SMYD3: variants seen among roughly 807,000 people sequenced by gnomAD.
SMYD3 encodes SET and MYND domain containing 3.
SMYD3 carries 36 observed loss-of-function variants against 57.7 expected under a neutral mutation model. That is an observed-to-expected ratio of 0.62 (90% CI 0.48 to 0.82). The LOEUF is 0.82. Among genes scored for constraint, SMYD3 ranks in the 40% least tolerant of loss-of-function variants. SMYD3 has a pLI of 0.00. For synonymous variants in SMYD3, 211 were observed against 195.0 expected, an observed-to-expected ratio of 1.08 and a Z score of -0.68; for missense variants, 515 against 538.8, an observed-to-expected ratio of 0.96 and a Z score of 0.44.
At chr1:246,147,352 T>C (rs963464935) in intron 5 of SMYD3, among the ~76,000 whole-genome samples, 1 of 152,074 alleles carries the variant, frequency 6.6e-6, no homozygotes, top group Admixed American at 6.5e-5. Flanking sequence ...CAGCCCTCAT[T>C]TGATGTGAGA....
In SMYD3 at chr1:246,480,062, G is replaced by C. The variant is rs376771459; in HGVS notation, c.164+26992C>G. ...TTAGGTATCACTAAAAGAAGTTCAAGGATCTTTTTTTAATTTCTTTTTAGT... is the reference window on the plus strand; with the variant it reads ...TTAGGTATCACTAAAAGAAGTTCAACGATCTTTTTTTAATTTCTTTTTAGT... On this transcript the variant is annotated intron_variant, in intron 1 of 11. Coordinates refer to ENST00000490107, the MANE Select transcript of SMYD3 (RefSeq NM_001167740.2). 5.3e-5 allele frequency among the ~76,000 whole-genome samples: 8 copies of C among 152,258 alleles called. No individual in the cohort carries two copies. In the South Asian group the frequency reaches 1.7e-3, roughly 32 times the overall value.
At chr1:245,824,244 G>T (rs1230063005) in intron 10 of SMYD3, among the ~76,000 whole-genome samples, 1 of 152,200 alleles carries the variant, frequency 6.6e-6, no homozygotes, top group Non-Finnish European at 1.5e-5. Flanking sequence ...CCAAAATATA[G>T]GTTGCCATTT....
chr1:246,008,860 A>C (rs12127879), intron 5 of SMYD3, among the ~76,000 whole-genome samples: 8,439 of 152,280 alleles, frequency 0.055, 337 homozygotes, highest in African/African-American at 0.1. Context: ...CTGCAGAGTG[A>C]GGTAAATCCT....
chr1:246,501,096 T>G (rs1271145786), intron 1 of SMYD3, among the ~76,000 whole-genome samples: 1 of 152,226 alleles, frequency 6.6e-6, no homozygotes, highest in African/African-American at 2.4e-5. Context: ...ATGATTTTGC[T>G]AGTTGCTTGA....
intron 5 of SMYD3, among the ~76,000 whole-genome samples, chr1:246,088,347 C>T (rs73139826): frequency 3.3e-5 from 5 of 152,026 alleles, no homozygotes; most frequent in African/African-American, 1.2e-4. Context: ...AGAGTAATCA[C>T]GCCTGTAATC....
intron 1 of SMYD3, among the ~76,000 whole-genome samples, chr1:246,374,850 T>TC (rs1553339561): frequency 3.3e-5 from 5 of 151,694 alleles, no homozygotes; most frequent in African/African-American, 1.2e-4. Flanking sequence ...CCCAGCAGTT[T>TC]GGGGGGCCGA....
At chr1:246,428,743 C>T (rs7555079) in intron 1 of SMYD3, among the ~76,000 whole-genome samples, 9 of 51,208 alleles carry the variant, frequency 1.8e-4, no homozygotes, top group South Asian at 7.6e-4. Flanking sequence ...TTCAAACCCG[C>T]GCAATCTAGA....
intron 5 of SMYD3, among the ~76,000 whole-genome samples, chr1:246,218,929 A>G (rs1315103232): frequency 2.0e-5 from 3 of 152,184 alleles, no homozygotes; most frequent in South Asian, 2.1e-4. Context: ...GAAATGACCA[A>G]CGTTGTCAAT....
intron 1 of SMYD3, among the ~76,000 whole-genome samples, chr1:246,505,280 AC>A (rs1374102220): frequency 1.5e-5 from 2 of 133,684 alleles, no homozygotes; most frequent in Non-Finnish European, 3.2e-5. Flanking sequence ...AAGGCTAAAT[AC>A]CGTCTCAACC....
At chr1:245,838,288 G>A (rs539818682) in intron 10 of SMYD3, among the ~76,000 whole-genome samples, 1 of 152,246 alleles carries the variant, frequency 6.6e-6, no homozygotes, top group African/African-American at 2.4e-5. Flanking sequence ...CTCCCATGAA[G>A]AGTCAGCATC....
chr1:245,961,804 A>G (rs1176214828), intron 5 of SMYD3, among the ~76,000 whole-genome samples: 1 of 152,178 alleles, frequency 6.6e-6, no homozygotes, highest in East Asian at 1.9e-4. Context: ...TTTGAGACTG[A>G]GAATGTAGGC....
chr1:245,798,745 G>A (rs189855544), intron 10 of SMYD3, among the ~76,000 whole-genome samples: 3 of 152,158 alleles, frequency 2.0e-5, no homozygotes, highest in African/African-American at 4.8e-5. Flanking sequence ...ACCACTCAAA[G>A]CTTAATTCCT....
intron 5 of SMYD3, among the ~76,000 whole-genome samples, chr1:246,003,312 C>T (rs535962824): frequency 6.6e-6 from 1 of 152,330 alleles, no homozygotes; most frequent in African/African-American, 2.4e-5. Flanking sequence ...TCAGGTGTAG[C>T]TATGCTACCA....
At chr1:246,498,819 G>C (rs1265175148) in intron 1 of SMYD3, among the ~76,000 whole-genome samples, 1 of 151,308 alleles carries the variant, frequency 6.6e-6, no homozygotes, top group African/African-American at 2.4e-5. Context: ...CGGTCTGAAT[G>C]CTTATACCCC....
chr1:245,933,538 G>T (rs997792336), intron 5 of SMYD3, among the ~76,000 whole-genome samples: 1 of 152,072 alleles, frequency 6.6e-6, no homozygotes, highest in Non-Finnish European at 1.5e-5. Flanking sequence ...TTGAGCCTCT[G>T]TATTTTATAA....
intron 5 of SMYD3, among the ~76,000 whole-genome samples, chr1:246,110,333 G>A (rs2061211391): frequency 6.6e-6 from 1 of 152,212 alleles, no homozygotes; most frequent in African/African-American, 2.4e-5. Context: ...GATCCCCATT[G>A]TTAGGTCCAG....
chr1:246,486,607 G>C (rs928650219), intron 1 of SMYD3, among the ~76,000 whole-genome samples: 1 of 152,120 alleles, frequency 6.6e-6, no homozygotes, highest in Non-Finnish European at 1.5e-5. Context: ...TCATTCTGTA[G>C]ATGAAGAAAA....
intron 2 of SMYD3, among the ~76,000 whole-genome samples, chr1:246,341,110 T>C (rs1248127873): frequency 6.6e-6 from 1 of 152,254 alleles, no homozygotes; most frequent in Non-Finnish European, 1.5e-5. Flanking sequence ...TTTCCATTAC[T>C]ATTTAAATTT....
At chr1:245,806,540 G>A (rs2048150985) in intron 10 of SMYD3, among the ~76,000 whole-genome samples, 2 of 152,144 alleles carry the variant, frequency 1.3e-5, no homozygotes, top group Admixed American at 1.3e-4. Flanking sequence ...CTATATTGCA[G>A]GAACTTGGCC....
Sources: allele counts gnomAD v4.1 joint callset (sites outside exome capture counted in the v4.1 genomes callset), GRCh38; gene constraint gnomAD v4.1.1; transcripts MANE v1.5; gene names NCBI Gene and HGNC (gene_info 2026-07-23, HGNC 2026-07-21).